The following DPEP1 variants were observed in gnomAD, a reference collection of about 807,000 sequenced individuals.
DPEP1 encodes the protein dipeptidase 1.
A neutral mutation model predicts 42.3 loss-of-function variants in DPEP1; 50 were observed. The ratio of observed to expected loss-of-function variants is 1.18; its 90% CI spans 0.94 to 1.50. The LOEUF (loss-of-function observed/expected upper bound fraction) is 1.50. Ranked by LOEUF, DPEP1 falls within the 40% of genes most tolerant of loss-of-function variation. The pLI, the probability that DPEP1 is intolerant of heterozygous loss-of-function variation, is 0.00. For missense variants in DPEP1, 663 were observed against 553.0 expected (o/e 1.20, Z -1.99); for synonymous variants, 297 against 234.0 (o/e 1.27, Z -2.46).
At chr16:89,625,382 A>G (rs1200982487) in intron 1 of DPEP1, among the ~76,000 whole-genome samples, 1 of 151,952 alleles carries the variant, frequency 6.6e-6, no homozygotes, top group Non-Finnish European at 1.5e-5. Flanking sequence ...TTCCCAACGA[A>G]CTCATTACCT....
At position 89,630,271 on chromosome 16, in the gene DPEP1, C is replaced by G. The variant is rs1338291742; in HGVS notation, c.-106-34C>G. On this transcript the variant is annotated intron_variant, in intron 1 of 10. Coordinates refer to ENST00000690203, the MANE Select transcript of DPEP1 (RefSeq NM_001389466.1). Reference sequence around the variant, plus strand: ...ACAGGAGAGCAGCCACCTGTCATCACTTCCACCCACACCTCTGGTGCCTCT... The same window carrying G: ...ACAGGAGAGCAGCCACCTGTCATCAGTTCCACCCACACCTCTGGTGCCTCT... The G allele has an allele frequency of 2.0e-5, 12 of 599,492 alleles. No homozygotes were observed. In the East Asian group the frequency reaches 2.3e-4, roughly 11 times the overall value. 37.1% of individuals were successfully genotyped at this position (599,492 alleles called of 1,614,324 possible).
chr16:89,641,313 C>A (rs1471182918), downstream of DPEP1, among the ~76,000 whole-genome samples: 1 of 152,060 alleles, frequency 6.6e-6, no homozygotes, highest in Non-Finnish European at 1.5e-5. Flanking sequence ...ATTCCCTTTC[C>A]GGCTCTGCTA....
intron 5 of DPEP1, 84 bp downstream of exon 5, chr16:89,636,767 C>T: frequency 1.9e-6 from 3 of 1,601,208 alleles, no homozygotes; most frequent in Non-Finnish European, 2.6e-6. Flanking sequence ...AGAGCCCATC[C>T]CCTCTGCCTG....
At chr16:89,624,246 G>T (rs2059479940) in intron 1 of DPEP1, among the ~76,000 whole-genome samples, 1 of 152,060 alleles carries the variant, frequency 6.6e-6, no homozygotes, top group South Asian at 2.1e-4. Flanking sequence ...AAAGGGGTGG[G>T]TTTGGCTCAT....
At chr16:89,633,982 C>T (rs1424773149) in intron 2 of DPEP1, among the ~76,000 whole-genome samples, 1 of 152,184 alleles carries the variant, frequency 6.6e-6, no homozygotes, top group African/African-American at 2.4e-5. Flanking sequence ...GCCTCAGCCC[C>T]TTCCCATCCT....
intron 8 of DPEP1, 26 bp downstream of exon 8, chr16:89,637,578 G>T (rs377732633): frequency 6.2e-7 from 1 of 1,612,834 alleles, no homozygotes; most frequent in Non-Finnish European, 8.5e-7. Context: ...GCGGCCAAGG[G>T]GGCCGAAGGG....
chr16:89,630,001 G>T (rs2059563502), intron 1 of DPEP1, among the ~76,000 whole-genome samples: 1 of 152,184 alleles, frequency 6.6e-6, no homozygotes, highest in Non-Finnish European at 1.5e-5. Context: ...GGTCCTGAGG[G>T]AGGTGGTAGT....
intron 1 of DPEP1, among the ~76,000 whole-genome samples, chr16:89,623,088 G>C (rs2059466085): frequency 6.6e-6 from 1 of 151,946 alleles, no homozygotes; most frequent in Non-Finnish European, 1.5e-5. Context: ...CCCCCACACA[G>C]CCAGAGGAAG....
At chr16:89,622,462 C>T (rs1312498836) in intron 1 of DPEP1, among the ~76,000 whole-genome samples, 1 of 152,110 alleles carries the variant, frequency 6.6e-6, no homozygotes. Flanking sequence ...CTCCTGTCCA[C>T]GAAGGTGAGA....
intron 1 of DPEP1, among the ~76,000 whole-genome samples, chr16:89,629,939 G>A (rs1423308257): frequency 6.6e-6 from 1 of 152,178 alleles, no homozygotes; most frequent in Non-Finnish European, 1.5e-5. Context: ...GGTGCTTTAT[G>A]AGAATGCACT....
rs1456165217 is a variant in DPEP1, at chr16:89,636,465, G to A, written c.371-68G>A. The A allele has an allele frequency of 6.9e-6, 11 of 1,595,692 alleles. No homozygotes were observed. The East Asian group carries it at 2.5e-4, about 36-fold the overall frequency. On this transcript the variant is annotated intron_variant, in intron 4 of 10. Coordinates refer to ENST00000690203, the MANE Select transcript of DPEP1 (RefSeq NM_001389466.1). ...CCAGCCCTCATCCTGAGCAGCAGGT[G>A]CCGGTCAGGACACCTCACCCTCCAG...
chr16:89,616,431 T>C (rs2059379677), intron 1 of DPEP1, among the ~76,000 whole-genome samples: 1 of 151,978 alleles, frequency 6.6e-6, no homozygotes, highest in African/African-American at 2.4e-5. Flanking sequence ...TGCTCGGGGC[T>C]GTGCCGGGAG....
At chr16:89,636,188 C>T in intron 3 of DPEP1, 76 bp from the exon 4 acceptor site, 2 of 1,558,536 alleles carry the variant, frequency 1.3e-6, no homozygotes, top group South Asian at 2.3e-5. Context: ...GGGTGGGAAA[C>T]CAGACTCCCA....
In DPEP1 at chr16:89,626,763, T is replaced by G. The variant is rs148039708; in HGVS notation, c.-106-3542T>G. Among the ~76,000 whole-genome samples, 216 of 152,244 alleles carry G rather than the reference T, an allele frequency of 1.4e-3. 3 individuals are homozygous for G. Among genetic ancestry groups the G allele is most frequent in the African/African-American group, 4.5e-3 (187 of 41,546 alleles). On this transcript the variant is annotated intron_variant, in intron 1 of 10. Coordinates refer to ENST00000690203, the MANE Select transcript of DPEP1 (RefSeq NM_001389466.1). ...TTGCCTTCGGCCATGATTGTAATTT[T>G]CCTGAGGCCTCCCCAGCCATGTGGA...
chr16:89,615,796 GC>G (rs1221250517), intron 1 of DPEP1, among the ~76,000 whole-genome samples: 2 of 152,202 alleles, frequency 1.3e-5, no homozygotes, highest in Non-Finnish European at 2.9e-5. Flanking sequence ...CAACACGGGG[GC>G]CCCGGGGTCC....
chr16:89,639,295 G>C (rs192319901), downstream of DPEP1, among the ~76,000 whole-genome samples: 6 of 4,882 alleles, frequency 1.2e-3, no homozygotes, highest in African/African-American at 6.6e-3. Context: ...CCCCACCCCT[G>C]CACACCCCAC....
intron 2 of DPEP1, among the ~76,000 whole-genome samples, chr16:89,631,056 C>T (rs1033306271): frequency 2.0e-5 from 3 of 152,090 alleles, no homozygotes; most frequent in African/African-American, 7.2e-5. Context: ...AGGCCCTGCG[C>T]CCCAATCTCA....
chr16:89,624,131 G>T (rs948421730), intron 1 of DPEP1, among the ~76,000 whole-genome samples: 6 of 152,176 alleles, frequency 3.9e-5, no homozygotes, highest in Non-Finnish European at 8.8e-5. Context: ...AATTCCTGCC[G>T]ACCCGCTGCT....
At chr16:89,628,618 C>T (rs1195594891) in intron 1 of DPEP1, among the ~76,000 whole-genome samples, 1 of 152,028 alleles carries the variant, frequency 6.6e-6, no homozygotes, top group Non-Finnish European at 1.5e-5. Context: ...CTCAAGTTCT[C>T]TCCTTAGTGG....
Sources: allele counts gnomAD v4.1 joint callset (sites outside exome capture counted in the v4.1 genomes callset), GRCh38; gene constraint gnomAD v4.1.1; transcripts MANE v1.5; gene names NCBI Gene and HGNC (gene_info 2026-07-23, HGNC 2026-07-21).